The following ABL2 variants were observed in gnomAD, a reference collection of about 807,000 sequenced individuals.
The protein encoded by ABL2 is tyrosine-protein kinase ABL2.
Under a neutral mutation model 107.7 loss-of-function variants are expected in ABL2, and 49 were observed. The observed-to-expected ratio is 0.45, with a 90% CI of 0.36 to 0.58. The LOEUF is 0.58. Among genes scored for constraint, ABL2 ranks in the 20% least tolerant of loss-of-function variants. The pLI is 0.00. For missense variants in ABL2, 1,245 were observed against 1,457.0 expected (o/e 0.85, Z 2.37); for synonymous variants, 549 against 548.6 (o/e 1.00, Z -0.01).
intron 9 of ABL2, among the ~76,000 whole-genome samples, chr1:179,113,898 C>T (rs1469640886): frequency 6.6e-6 from 1 of 151,248 alleles, no homozygotes; most frequent in Admixed American, 6.6e-5. Flanking sequence ...CGCGCCACTG[C>T]ACTCCAGCCT....
At chr1:179,141,300 A>G (rs1657569110) in intron 1 of ABL2, among the ~76,000 whole-genome samples, 1 of 152,062 alleles carries the variant, frequency 6.6e-6, no homozygotes, top group Admixed American at 6.5e-5. Context: ...TTAAGAAAAA[A>G]AAAAATTAGA....
At chr1:179,152,052 A>G (rs1032430897) in intron 1 of ABL2, among the ~76,000 whole-genome samples, 1 of 152,196 alleles carries the variant, frequency 6.6e-6, no homozygotes, top group Non-Finnish European at 1.5e-5. Flanking sequence ...AACAATATAA[A>G]CAAAGACATG....
At chr1:179,175,182 C>G (rs186739032) in intron 1 of ABL2, among the ~76,000 whole-genome samples, 117 of 152,180 alleles carry the variant, frequency 7.7e-4, no homozygotes, top group East Asian at 7.7e-4. Flanking sequence ...CTATGCCCAG[C>G]TGAAATTTCT....
chr1:179,209,363 C>G (rs970430261), intron 1 of ABL2, among the ~76,000 whole-genome samples: 1 of 152,214 alleles, frequency 6.6e-6, no homozygotes, highest in Non-Finnish European at 1.5e-5. Context: ...ACGCTGTCCA[C>G]TCTCCATCAA....
chr1:179,194,303 T>C (rs745342999), intron 1 of ABL2, among the ~76,000 whole-genome samples: 1 of 152,178 alleles, frequency 6.6e-6, no homozygotes, highest in Non-Finnish European at 1.5e-5. Context: ...TCAATCATCC[T>C]TAATAGTTTC....
chr1:179,147,235 G>C (rs966485470), intron 1 of ABL2, among the ~76,000 whole-genome samples: 1 of 129,230 alleles, frequency 7.7e-6, no homozygotes, highest in South Asian at 2.5e-4. Context: ...AGGATGCAGA[G>C]AAAAGGGAAC....
intron 1 of ABL2, among the ~76,000 whole-genome samples, chr1:179,157,170 T>C (rs770242031): frequency 1.3e-5 from 2 of 151,824 alleles, no homozygotes; most frequent in South Asian, 2.1e-4. Flanking sequence ...TCAAGGAAAA[T>C]GTTCACTGGA....
At chr1:179,205,103 T>G (rs938550031) in intron 1 of ABL2, among the ~76,000 whole-genome samples, 5 of 151,112 alleles carry the variant, frequency 3.3e-5, no homozygotes, top group Non-Finnish European at 7.4e-5. Context: ...CTTGGCTCAC[T>G]GCAACCTGTG....
intron 1 of ABL2, among the ~76,000 whole-genome samples, chr1:179,159,041 G>A (rs983967148): frequency 6.6e-6 from 1 of 152,192 alleles, no homozygotes; most frequent in Non-Finnish European, 1.5e-5. Context: ...GTAGAGCATG[G>A]TGGTCAAGAG....
At position 179,126,244 on chromosome 1, in the gene ABL2, C is replaced by T. The variant is rs184131632; in HGVS notation, c.687+133G>A. On this transcript the variant is annotated intron_variant, in intron 4 of 11. Coordinates refer to ENST00000502732, the MANE Select transcript of ABL2 (RefSeq NM_007314.4). The surrounding 1 kb of genome is among the most constrained non-coding windows in gnomAD (Gnocchi z 4.4). The stretch of plus-strand genomic sequence containing the variant: ...GTACAAGCTCTAACATGCCAAAAAG[C>T]CCAAACTCACAAAGCTAGTGAATAT... 1.8e-4 allele frequency: 201 copies of T among 1,096,000 alleles called. 1 individual carries two copies. The African/African-American group carries it at 2.9e-3, about 16-fold the overall frequency. The allele number at this position is 1,096,000 out of a possible 1,614,324, so 67.9% of individuals were successfully genotyped here. A position where few individuals can be genotyped will look rare whatever the true frequency, so the allele number is the denominator to read the frequency against.
intron 1 of ABL2, among the ~76,000 whole-genome samples, chr1:179,227,193 C>A (rs1268895697): frequency 6.6e-6 from 1 of 152,156 alleles, no homozygotes; most frequent in East Asian, 1.9e-4. Flanking sequence ...AATCTTAAAA[C>A]CAGAAAGTAT....
intron 1 of ABL2, among the ~76,000 whole-genome samples, chr1:179,198,693 CAAAAAAAAAAAAAA>C (rs534990752): frequency 1.4e-4 from 5 of 34,944 alleles, no homozygotes; most frequent in Non-Finnish European, 1.9e-4. Context: ...ACTCCATCTC[CAAAAAAAAAAAAAA>C]AAAAAAAAAC....
In ABL2 at chr1:179,109,117, C is replaced by G. The variant is rs1284176390; in HGVS notation, c.2150G>C (p.Cys717Ser). 6.2e-6 allele frequency: 10 copies of G among 1,611,018 alleles called. No individual in the cohort carries two copies. In the East Asian group the frequency reaches 2.2e-4, roughly 36 times the overall value. Residue 717 changes from cysteine to serine, a missense_variant, in exon 12 of 12, where the codon TGC (cysteine) becomes TCC (serine). Transcript: ENST00000502732. ...CCTCTGTGCAAAGCTCCCCCCATAG[C>G]ACTTGGGTGGCACCAGATTCGCCTC... Reference protein sequence around the residue: ...QQEANLVPPKCYGGSFAQRNL... With the variant: ...QQEANLVPPKSYGGSFAQRNL...
intron 1 of ABL2, among the ~76,000 whole-genome samples, chr1:179,200,525 T>G (rs1290982255): frequency 1.3e-5 from 2 of 152,192 alleles, no homozygotes; most frequent in Non-Finnish European, 2.9e-5. Flanking sequence ...TTTTCTCTCC[T>G]TCAGATCCCA....
intron 1 of ABL2, among the ~76,000 whole-genome samples, chr1:179,153,080 A>G (rs971881187): frequency 2.0e-5 from 3 of 152,246 alleles, no homozygotes; most frequent in Admixed American, 6.5e-5. Context: ...GGAAGTTATT[A>G]GCATTCAAAA....
chr1:179,217,163 G>A (rs542986774), intron 1 of ABL2, among the ~76,000 whole-genome samples: 10 of 151,376 alleles, frequency 6.6e-5, no homozygotes, highest in African/African-American at 9.7e-5. Flanking sequence ...GTGTGGTGGC[G>A]TGCACCTGTA....
At chr1:179,156,130 A>T (rs1011598283) in intron 1 of ABL2, among the ~76,000 whole-genome samples, 2 of 152,230 alleles carry the variant, frequency 1.3e-5, no homozygotes, top group Non-Finnish European at 2.9e-5. Context: ...ACAAAAAAAC[A>T]GGTTCTTCTT....
chr1:179,229,167 T>TGCCCCCCCCCCCCCCCCCCCCCCC, intron 1 of ABL2, 74 bp downstream of exon 1: 2 of 402,570 alleles, frequency 5.0e-6, no homozygotes, highest in Non-Finnish European at 9.3e-6. Flanking sequence ...GGGCAGCCCG[T>TGCCCCCCCCCCCCCCCCCCCCCCC]CCGCCACCCA....
chr1:179,122,861 T>C (rs1444167519), intron 4 of ABL2, among the ~76,000 whole-genome samples: 2 of 152,076 alleles, frequency 1.3e-5, no homozygotes, highest in Non-Finnish European at 2.9e-5. Flanking sequence ...GGTTTCACCA[T>C]GTTAGCCAGG....
Sources: gnomAD v4.1 joint callset for allele counts (sites outside exome capture counted in the v4.1 genomes callset) on GRCh38, gnomAD v4.1.1 for gene constraint, Gnocchi (gnomAD v3.1) non-coding constraint, MANE v1.5 for transcripts, NCBI Gene and HGNC (gene_info 2026-07-23, HGNC 2026-07-21) for gene names.